The following AOAH variants were observed in gnomAD, a reference collection of about 807,000 sequenced individuals.
The protein encoded by AOAH is acyloxyacyl hydrolase (neutrophil).
Under a neutral mutation model 92.2 loss-of-function variants are expected in AOAH, and 64 were observed. The observed-to-expected ratio is 0.69, with a 90% CI of 0.57 to 0.86. The LOEUF (loss-of-function observed/expected upper bound fraction) is 0.86, where lower values mean the gene tolerates loss of function less well. AOAH is among the 40% of genes least tolerant of loss of function. AOAH has a pLI of 0.00. For synonymous variants in AOAH, 263 were observed against 254.5 expected, an observed-to-expected ratio of 1.03 and a Z score of -0.32; for missense variants, 656 against 694.6, an observed-to-expected ratio of 0.94 and a Z score of 0.62.
intron 1 of AOAH, among the ~76,000 whole-genome samples, chr7:36,722,141 GAGA>G (rs1799665880): frequency 6.6e-6 from 1 of 152,128 alleles, no homozygotes; most frequent in African/African-American, 2.4e-5. Context: ...CTCCTACATG[GAGA>G]AGAAGAATCA....
chr7:36,699,604 A>T (rs1797908802), intron 1 of AOAH, among the ~76,000 whole-genome samples: 1 of 146,634 alleles, frequency 6.8e-6, no homozygotes, highest in East Asian at 2.0e-4. Flanking sequence ...ATATCTAGTC[A>T]AACCATTTGC....
chr7:36,640,944 C>A (rs192094045), intron 4 of AOAH, among the ~76,000 whole-genome samples: 1 of 152,048 alleles, frequency 6.6e-6, no homozygotes, highest in Non-Finnish European at 1.5e-5. Flanking sequence ...ATTCCAGGCT[C>A]GGAATAGCTG....
chr7:36,711,411 T>G (rs1224621215), intron 1 of AOAH, among the ~76,000 whole-genome samples: 1 of 152,166 alleles, frequency 6.6e-6, no homozygotes, highest in African/African-American at 2.4e-5. Flanking sequence ...CATGCTGTCA[T>G]CATGGATTCT....
intron 1 of AOAH, among the ~76,000 whole-genome samples, chr7:36,698,768 ATATC>A (rs1179369473): frequency 9.9e-5 from 15 of 152,210 alleles, no homozygotes; most frequent in Admixed American, 8.5e-4. Flanking sequence ...TGTAATTGGG[ATATC>A]TATCATCTTA....
intron 1 of AOAH, among the ~76,000 whole-genome samples, chr7:36,688,888 C>CA (rs1797212078): frequency 6.6e-6 from 1 of 151,298 alleles, no homozygotes; most frequent in Non-Finnish European, 1.5e-5. Context: ...TATGGGTATA[C>CA]TTGTGTGTAT....
chr7:36,700,667 T>C (rs180753221), intron 1 of AOAH, among the ~76,000 whole-genome samples: 181 of 152,220 alleles, frequency 1.2e-3, no homozygotes, highest in African/African-American at 4.1e-3. Flanking sequence ...TGTATTCTGA[T>C]ACAATGATTT....
At chr7:36,717,725 T>G (rs1799313476) in intron 1 of AOAH, among the ~76,000 whole-genome samples, 2 of 102,778 alleles carry the variant, frequency 1.9e-5, no homozygotes, top group African/African-American at 7.0e-5. Context: ...TTTTCTCTTC[T>G]TATTTTTTTT....
At chr7:36,714,825 T>C (rs1292862622) in intron 1 of AOAH, among the ~76,000 whole-genome samples, 6 of 152,162 alleles carry the variant, frequency 3.9e-5, no homozygotes, top group Non-Finnish European at 8.8e-5. Flanking sequence ...ATGGGACGTA[T>C]CTCAAAATAA....
chr7:36,711,664 C>T (rs188622852), intron 1 of AOAH, among the ~76,000 whole-genome samples: 121 of 152,206 alleles, frequency 7.9e-4, no homozygotes, highest in Admixed American at 5.2e-3. Context: ...GGAACTGCCA[C>T]GGTAAAGGGC....
chr7:36,517,925 ACACACC>A lies in AOAH; in HGVS notation c.1599+4108_1599+4113del, dbSNP rs1482212026. On this transcript the variant is annotated intron_variant, in intron 20 of 20. Coordinates refer to ENST00000617537, the MANE Select transcript of AOAH (RefSeq NM_001637.4). ...CCTGATTTTATATCTGAACACACAC[ACACACC>A]CACACACACACACCCACACACACAC... 3.9e-4 allele frequency among the ~76,000 whole-genome samples: 18 copies of A among 45,676 alleles called. No individual in the cohort carries two copies. In the East Asian group the frequency reaches 0.022, roughly 56 times the overall value. The allele number at this position is 45,676 out of a possible 152,430, so 30.0% of individuals were successfully genotyped here.
chr7:36,638,170 C>T (rs1413560764), intron 4 of AOAH, among the ~76,000 whole-genome samples: 1 of 152,180 alleles, frequency 6.6e-6, no homozygotes, highest in Non-Finnish European at 1.5e-5. Context: ...TGAGATACGA[C>T]CATTTCATAG....
chr7:36,611,040 G>C (rs1249776624), intron 11 of AOAH, among the ~76,000 whole-genome samples: 1 of 152,130 alleles, frequency 6.6e-6, no homozygotes, highest in African/African-American at 2.4e-5. Flanking sequence ...TTATTATTTT[G>C]ACAATAACTT....
At chr7:36,658,773 T>A (rs1795031811) in intron 4 of AOAH, among the ~76,000 whole-genome samples, 1 of 152,124 alleles carries the variant, frequency 6.6e-6, no homozygotes, top group Admixed American at 6.5e-5. Context: ...CTGCCCAGGA[T>A]TTCCCAAGAT....
intron 4 of AOAH, among the ~76,000 whole-genome samples, chr7:36,658,621 C>T (rs1795024614): frequency 6.6e-6 from 1 of 152,168 alleles, no homozygotes; most frequent in Admixed American, 6.5e-5. Context: ...TCTCTTAACA[C>T]TTTAAAAACT....
At chr7:36,640,046 T>A (rs888016692) in intron 4 of AOAH, among the ~76,000 whole-genome samples, 7 of 152,100 alleles carry the variant, frequency 4.6e-5, no homozygotes, top group Non-Finnish European at 1.0e-4. Context: ...GTGGCTTGTG[T>A]GTCCTCCCGG....
intron 4 of AOAH, among the ~76,000 whole-genome samples, chr7:36,645,080 G>A (rs1215542429): frequency 6.6e-6 from 1 of 152,176 alleles, no homozygotes; most frequent in East Asian, 1.9e-4. Flanking sequence ...CCCACTGGAG[G>A]AGGGAAGTGC....
chr7:36,576,389 T>C (rs1205080213), intron 13 of AOAH, among the ~76,000 whole-genome samples, 185 bp downstream of exon 13: 1 of 152,210 alleles, frequency 6.6e-6, no homozygotes, highest in Non-Finnish European at 1.5e-5. Context: ...TTTGTTCTCC[T>C]TTGCTGTGGG....
rs575304182 is a variant in AOAH at position 36,724,412 on chromosome 7, T to C, written c.-264A>G. On this transcript the variant is annotated 5_prime_UTR_variant, in exon 1 of 21. Coordinates refer to ENST00000617537, the MANE Select transcript of AOAH (RefSeq NM_001637.4). Reference sequence around the variant, plus strand: ...AAAGAGCTGGAGGGAGTCTGTGGTGTGCGGTTCTGCTGAGGTAAAGACTGC... The same window carrying C: ...AAAGAGCTGGAGGGAGTCTGTGGTGCGCGGTTCTGCTGAGGTAAAGACTGC... 3.2e-5 allele frequency: 11 copies of C among 342,202 alleles called. No individual in the cohort carries two copies. Among genetic ancestry groups the C allele is most frequent in the South Asian group, 3.1e-4 (11 of 35,818 alleles). 21.2% of individuals were successfully genotyped at this position (342,202 alleles called of 1,614,324 possible).
intron 3 of AOAH, among the ~76,000 whole-genome samples, chr7:36,670,347 A>G (rs1189440392): frequency 6.6e-6 from 1 of 152,232 alleles, no homozygotes; most frequent in Non-Finnish European, 1.5e-5. Context: ...ATCAGCTCAC[A>G]ACTAATACAC....
Sources: gnomAD v4.1 joint callset for allele counts (sites outside exome capture counted in the v4.1 genomes callset) on GRCh38, gnomAD v4.1.1 for gene constraint, MANE v1.5 for transcripts, NCBI Gene and HGNC (gene_info 2026-07-23, HGNC 2026-07-21) for gene names.